The following CSMD1 variants were observed in gnomAD, a reference collection of about 807,000 sequenced individuals.
CSMD1 encodes the protein CUB and Sushi multiple domains 1.
A neutral mutation model predicts 417.5 loss-of-function variants in CSMD1; 213 were observed. The observed-to-expected ratio is 0.51, with a 90% CI of 0.46 to 0.57. The LOEUF (loss-of-function observed/expected upper bound fraction) is 0.57. CSMD1 is among the 20% of genes least tolerant of loss of function. The pLI is 0.00. For missense variants in CSMD1, 6,923 were observed against 4,529.7 expected (o/e 1.53, Z -15.17); for synonymous variants, 2,862 against 1,736.8 (o/e 1.65, Z -16.11).
At chr8:3,642,463 T>G (rs1389315438) in intron 7 of CSMD1, among the ~76,000 whole-genome samples, 1 of 152,136 alleles carries the variant, frequency 6.6e-6, no homozygotes, top group Non-Finnish European at 1.5e-5. Context: ...CAAGAGATAT[T>G]CCCAAGTAGT....
intron 1 of CSMD1, among the ~76,000 whole-genome samples, chr8:4,678,718 T>C (rs970458908): frequency 6.6e-6 from 1 of 152,180 alleles, no homozygotes; most frequent in East Asian, 1.9e-4. Context: ...AAGGACCCTG[T>C]TGTTAAACAC....
intron 3 of CSMD1, among the ~76,000 whole-genome samples, chr8:4,107,100 C>T (rs932579535): frequency 2.0e-5 from 3 of 152,154 alleles, no homozygotes; most frequent in South Asian, 2.1e-4. Flanking sequence ...GTGATAATGA[C>T]GACAGAAATG....
chr8:3,957,095 G>C (rs893251909), intron 5 of CSMD1, among the ~76,000 whole-genome samples: 2 of 151,118 alleles, frequency 1.3e-5, no homozygotes, highest in African/African-American at 4.9e-5. Context: ...ATATGTCTTT[G>C]GAAACTATTT....
intron 3 of CSMD1, among the ~76,000 whole-genome samples, chr8:4,329,849 T>TAGACAC (rs1799768529): frequency 6.7e-6 from 1 of 150,186 alleles, no homozygotes; most frequent in Non-Finnish European, 1.5e-5. Context: ...CCACCCTGCT[T>TAGACAC]ACACACACAC....
intron 5 of CSMD1, among the ~76,000 whole-genome samples, chr8:3,785,037 G>C (rs1053260842): frequency 2.6e-5 from 4 of 152,172 alleles, no homozygotes; most frequent in Admixed American, 2.0e-4. Context: ...AGGGAATAGA[G>C]ATAGAAAAAC....
Position 4,419,959 on chromosome 8 carries a change from A to T in CSMD1, c.409T>A (p.Tyr137Asn). The T allele has an allele frequency of 6.4e-7, 1 of 1,570,840 alleles. No homozygotes were observed. Among genetic ancestry groups the T allele is most frequent in the Non-Finnish European group, 8.7e-7 (1 of 1,154,866 alleles). ...AACACAACCAATCTCCTACCTTCATATAATGCTTTGAAACCTTGGGCACTC... is the reference window on the plus strand; with the variant it reads ...AACACAACCAATCTCCTACCTTCATTTAATGCTTTGAAACCTTGGGCACTC... The part of the protein sequence containing the change: ...AVSAQGFKAL[Y>N]EVLPSHTCGN... Residue 137 changes from tyrosine (Y) to asparagine (N), a missense_variant, in exon 3 of 70, where the codon TAT (tyrosine) becomes AAT (asparagine). Transcript: ENST00000635120.
At position 4,195,527 on chromosome 8, in the gene CSMD1, C is replaced by A. The variant is rs1474504291; in HGVS notation, c.416-163428G>T. 5.3e-5 allele frequency among the ~76,000 whole-genome samples: 8 copies of A among 152,264 alleles called. No individual in the cohort carries two copies. In the East Asian group the frequency reaches 1.5e-3, roughly 29 times the overall value. Reference sequence around the variant, plus strand: ...TCTCTGTATGATCCCCTGCTCTTGACTGTGAGAAAGACTTGTGATGTGCGT... The same window carrying A: ...TCTCTGTATGATCCCCTGCTCTTGAATGTGAGAAAGACTTGTGATGTGCGT... On this transcript the variant is annotated intron_variant, in intron 3 of 69. Transcript: ENST00000635120.
chr8:3,977,808 C>G (rs1437335236), intron 5 of CSMD1, among the ~76,000 whole-genome samples: 1 of 152,122 alleles, frequency 6.6e-6, no homozygotes, highest in Non-Finnish European at 1.5e-5. Flanking sequence ...TACCTATTTC[C>G]TTATATGATT....
chr8:3,771,629 G>A (rs1054215124), intron 5 of CSMD1, among the ~76,000 whole-genome samples: 1 of 152,128 alleles, frequency 6.6e-6, no homozygotes, highest in Non-Finnish European at 1.5e-5. Context: ...AAAGGTGACA[G>A]AAGCCAGTGC....
chr8:3,223,910 A>C (rs749043368), intron 27 of CSMD1, 43 bp from the exon 28 acceptor site: 1 of 1,603,344 alleles, frequency 6.2e-7, no homozygotes, highest in African/African-American at 1.3e-5. Flanking sequence ...AAGGACAGCG[A>C]AGAACGCCTG....
intron 3 of CSMD1, among the ~76,000 whole-genome samples, chr8:4,051,307 T>TC: frequency 1.7e-5 from 1 of 58,162 alleles, no homozygotes; most frequent in East Asian, 3.4e-4. Flanking sequence ...TTTTGAAGAC[T>TC]CAAAAAAAAA....
intron 57 of CSMD1, among the ~76,000 whole-genome samples, chr8:2,971,966 G>C (rs530852624): frequency 6.6e-6 from 1 of 152,088 alleles, no homozygotes; most frequent in African/African-American, 2.4e-5. Context: ...ATATGTGTAT[G>C]CCTATATTAT....
intron 6 of CSMD1, among the ~76,000 whole-genome samples, chr8:3,724,322 A>T (rs1286490442): frequency 6.6e-6 from 1 of 152,066 alleles, no homozygotes; most frequent in Non-Finnish European, 1.5e-5. Flanking sequence ...AGCATTAGGT[A>T]TATCTCCCAA....
chr8:4,253,371 T>C (rs989116040), intron 3 of CSMD1, among the ~76,000 whole-genome samples: 2 of 149,250 alleles, frequency 1.3e-5, no homozygotes, highest in South Asian at 2.2e-4. Context: ...CGCATTTAAA[T>C]GCATTTTTTT....
At chr8:3,257,783 A>G (rs1800768642) in intron 26 of CSMD1, among the ~76,000 whole-genome samples, 1 of 152,122 alleles carries the variant, frequency 6.6e-6, no homozygotes, top group African/African-American at 2.4e-5. Flanking sequence ...TGAGGCTTCC[A>G]AGGGAGGTGT....
intron 26 of CSMD1, among the ~76,000 whole-genome samples, chr8:3,243,912 GT>G (rs763366441): frequency 2.6e-5 from 4 of 152,016 alleles, no homozygotes; most frequent in Non-Finnish European, 5.9e-5. Flanking sequence ...CTACATACAT[GT>G]TTTTTAAACG....
intron 2 of CSMD1, among the ~76,000 whole-genome samples, chr8:4,594,100 T>C (rs1483922805): frequency 1.3e-5 from 2 of 152,062 alleles, no homozygotes; most frequent in African/African-American, 2.4e-5. Context: ...TCTCTGTCTA[T>C]GTGTCAAGTT....
intron 3 of CSMD1, among the ~76,000 whole-genome samples, chr8:4,323,764 C>T (rs920692273): frequency 4.6e-5 from 7 of 152,264 alleles, no homozygotes; most frequent in African/African-American, 9.6e-5. Flanking sequence ...CCCCCCCTTC[C>T]CCTGGCCAGA....
chr8:4,356,939 T>C (rs1005316750), intron 3 of CSMD1, among the ~76,000 whole-genome samples: 2 of 152,220 alleles, frequency 1.3e-5, no homozygotes, highest in Non-Finnish European at 2.9e-5. Flanking sequence ...AATGTCAATA[T>C]GTGAAATATA....
Sources: allele counts gnomAD v4.1 joint callset (sites outside exome capture counted in the v4.1 genomes callset), GRCh38; gene constraint gnomAD v4.1.1; transcripts MANE v1.5; gene names NCBI Gene and HGNC (gene_info 2026-07-23, HGNC 2026-07-21).